The following UNC79 variants were observed in gnomAD, a reference collection of about 807,000 sequenced individuals.
The protein encoded by UNC79 is protein unc-79 homolog.
In UNC79, 37 loss-of-function variants were observed where a neutral mutation model predicts 283.1. That is an observed-to-expected ratio of 0.13 (90% CI 0.10 to 0.17). UNC79 has a LOEUF of 0.17. Ranked by LOEUF, UNC79 falls within the 10% of genes least tolerant of loss-of-function variation. The probability of loss-of-function intolerance (pLI) is 1.00; values close to 1 mark genes in which losing one functional copy is unlikely to be tolerated. For synonymous variants in UNC79, 1,107 were observed against 1,200.2 expected, an observed-to-expected ratio of 0.92 and a Z score of 1.61; for missense variants, 2,272 against 3,211.1, an observed-to-expected ratio of 0.71 and a Z score of 7.07.
intron 18 of UNC79, among the ~76,000 whole-genome samples, chr14:93,578,385 T>C (rs2063588928): frequency 6.6e-6 from 1 of 152,226 alleles, no homozygotes. Flanking sequence ...TCTATAGTGA[T>C]GAAGCTAATT....
chr14:93,347,907 C>T (rs2053897389), intron 1 of UNC79: 2 of 591,616 alleles, frequency 3.4e-6, no homozygotes, highest in Non-Finnish European at 6.1e-6. Context: ...TTTCACTAGG[C>T]GCCTGTTTCT....
chr14:93,653,361 C>A (rs1399732116), intron 35 of UNC79, among the ~76,000 whole-genome samples: 3 of 150,998 alleles, frequency 2.0e-5, no homozygotes, highest in East Asian at 1.9e-4. Flanking sequence ...TTCCTCAGAG[C>A]AACTCTGTCT....
intron 1 of UNC79, chr14:93,335,123 A>T (rs2053550209): frequency 6.6e-6 from 1 of 152,236 alleles, no homozygotes. Context: ...AAACTTTTTG[A>T]AAAGCCAAGT....
chr14:93,404,515 A>AAT (rs1181319147), intron 1 of UNC79, among the ~76,000 whole-genome samples: 94 of 76,618 alleles, frequency 1.2e-3, no homozygotes, highest in Non-Finnish European at 2.1e-3. Flanking sequence ...TATATATATA[A>AAT]ATATATACAT....
chr14:93,651,599 A>G (rs1229936437), intron 35 of UNC79, among the ~76,000 whole-genome samples: 1 of 152,198 alleles, frequency 6.6e-6, no homozygotes, highest in Non-Finnish European at 1.5e-5. Context: ...ATTTTTGCAT[A>G]TTAGCATGTA....
chr14:93,605,802 C>T (rs555109610), intron 26 of UNC79, among the ~76,000 whole-genome samples: 7 of 151,870 alleles, frequency 4.6e-5, no homozygotes, highest in Admixed American at 3.3e-4. Context: ...AGAGGGAGTC[C>T]GAAGTGGGAG....
At chr14:93,561,941 G>A (rs940064591) in intron 14 of UNC79, among the ~76,000 whole-genome samples, 18 of 152,306 alleles carry the variant, frequency 1.2e-4, no homozygotes, top group Non-Finnish European at 2.2e-4. Flanking sequence ...TCCAAGTAGT[G>A]GGGGTGACTG....
At chr14:93,626,001 C>A (rs948501971) in intron 30 of UNC79, among the ~76,000 whole-genome samples, 1 of 151,974 alleles carries the variant, frequency 6.6e-6, no homozygotes, top group Non-Finnish European at 1.5e-5. Context: ...CCTCATTTTG[C>A]AAATGAAATT....
chr14:93,373,737 A>G (rs1373417042), intron 1 of UNC79, among the ~76,000 whole-genome samples: 1 of 152,238 alleles, frequency 6.6e-6, no homozygotes, highest in East Asian at 1.9e-4. Flanking sequence ...AAGGATAAAT[A>G]CTTTCTAACA....
At chr14:93,377,712 A>T (rs913975176) in intron 1 of UNC79, among the ~76,000 whole-genome samples, 9 of 152,214 alleles carry the variant, frequency 5.9e-5, no homozygotes, top group Admixed American at 2.0e-4. Flanking sequence ...ATAACAGCCA[A>T]TGTGGTTTTG....
At chr14:93,469,107 CTG>C (rs1013584102) in intron 2 of UNC79, among the ~76,000 whole-genome samples, 5 of 152,266 alleles carry the variant, frequency 3.3e-5, no homozygotes, top group Admixed American at 3.3e-4. Flanking sequence ...TGCCAGGAAA[CTG>C]TAATATCCTA....
intron 1 of UNC79, among the ~76,000 whole-genome samples, chr14:93,450,972 T>A (rs1474173176): frequency 6.6e-6 from 1 of 152,194 alleles, no homozygotes; most frequent in Non-Finnish European, 1.5e-5. Flanking sequence ...TTCTCAATTG[T>A]ATCTTCTAAA....
intron 1 of UNC79, among the ~76,000 whole-genome samples, chr14:93,396,056 G>A (rs891353256): frequency 4.6e-5 from 7 of 151,960 alleles, no homozygotes; most frequent in South Asian, 4.1e-4. Context: ...TGTCTGAGGC[G>A]CTGTTCATTT....
intron 1 of UNC79, among the ~76,000 whole-genome samples, chr14:93,388,623 T>C (rs2054825260): frequency 6.6e-6 from 1 of 152,232 alleles, no homozygotes; most frequent in African/African-American, 2.4e-5. Flanking sequence ...TGCATCTTCA[T>C]CAATAATGAA....
At chr14:93,473,174 C>T (rs980325255) in intron 2 of UNC79, among the ~76,000 whole-genome samples, 2 of 151,866 alleles carry the variant, frequency 1.3e-5, no homozygotes, top group South Asian at 2.1e-4. Flanking sequence ...TGAATAATAA[C>T]GTAAGTAGCA....
chr14:93,394,044 A>G (rs1392780452), intron 1 of UNC79, among the ~76,000 whole-genome samples: 1 of 152,086 alleles, frequency 6.6e-6, no homozygotes, highest in African/African-American at 2.4e-5. Flanking sequence ...TTCTACACAG[A>G]ATTCCTAGTA....
intron 34 of UNC79, among the ~76,000 whole-genome samples, chr14:93,644,665 C>A (rs554792828): frequency 6.6e-6 from 1 of 152,266 alleles, no homozygotes; most frequent in East Asian, 1.9e-4. Context: ...CTGGATTCTG[C>A]AAACTCTTGG....
chr14:93,572,777 C>T, exon 16 of UNC79: 1 of 1,614,122 alleles, frequency 6.2e-7, no homozygotes, highest in Non-Finnish European at 8.5e-7. Flanking sequence ...TTACAGGATA[C>T]CCCTCCTCTG....
rs1447805175 is a variant in UNC79 at position 93,531,671 on chromosome 14, A to G, written c.1094-879A>G. 6.6e-6 allele frequency among the ~76,000 whole-genome samples: 1 copy of G among 152,222 alleles called. No individual in the cohort carries two copies. The highest frequency in any genetic ancestry group is 1.5e-5 in the Non-Finnish European group (1 of 68,050). On this transcript the variant is annotated intron_variant, in intron 10 of 48. Coordinates refer to ENST00000555664, the Ensembl canonical transcript of UNC79. The surrounding 1 kb of genome is among the most constrained non-coding windows in gnomAD (Gnocchi z 4.2). Reference sequence around the variant, plus strand: ...TGATAATTTAAATCTAGGTAGTCCAAGTTAGTAATTTTGTCTACAGTTTTG... The same window carrying G: ...TGATAATTTAAATCTAGGTAGTCCAGGTTAGTAATTTTGTCTACAGTTTTG...
Sources: gnomAD v4.1 joint callset for allele counts (sites outside exome capture counted in the v4.1 genomes callset) on GRCh38, gnomAD v4.1.1 for gene constraint, Gnocchi (gnomAD v3.1) non-coding constraint, MANE v1.5 for transcripts, NCBI Gene and HGNC (gene_info 2026-07-23, HGNC 2026-07-21) for gene names.